The following GSK3B variants were observed in gnomAD, a reference collection of about 807,000 sequenced individuals.
GSK3B encodes the protein glycogen synthase kinase-3 beta.
Under a neutral mutation model 56.4 loss-of-function variants are expected in GSK3B, and 15 were observed. The observed-to-expected ratio is 0.27, with a 90% confidence interval of 0.18 to 0.41. The LOEUF (loss-of-function observed/expected upper bound fraction) is 0.41, where lower values mean the gene tolerates loss of function less well. Among genes scored for constraint, GSK3B ranks in the 10% least tolerant of loss-of-function variants. GSK3B has a pLI of 1.00. For synonymous variants in GSK3B, 181 were observed against 188.9 expected (o/e 0.96, Z 0.34); for missense variants, 300 against 513.4 (o/e 0.58, Z 4.02).
intron 1 of GSK3B, among the ~76,000 whole-genome samples, chr3:120,005,946 T>G (rs899055431): frequency 2.6e-5 from 4 of 152,120 alleles, no homozygotes; most frequent in Non-Finnish European, 1.5e-5. Flanking sequence ...TAAATGTAAA[T>G]GGGCTAAATT....
At chr3:119,948,621 G>GAAAACTACCAACTTCA (rs1298140051) in intron 2 of GSK3B, among the ~76,000 whole-genome samples, 11 of 152,156 alleles carry the variant, frequency 7.2e-5, no homozygotes, top group African/African-American at 2.7e-4. Context: ...GAGGAACATA[G>GAAAACTACCAACTTCA]AAAACTACCA....
intron 1 of GSK3B, among the ~76,000 whole-genome samples, chr3:120,071,792 G>A (rs573079051): frequency 2.6e-5 from 4 of 152,192 alleles, no homozygotes; most frequent in South Asian, 2.1e-4. Context: ...ATCCACGCTC[G>A]TCCATGGAAA....
chr3:119,850,495 C>T (rs1275136360), intron 9 of GSK3B, among the ~76,000 whole-genome samples: 2 of 152,162 alleles, frequency 1.3e-5, no homozygotes, highest in African/African-American at 4.8e-5. Flanking sequence ...TTGCTATAGT[C>T]CTATTCTTGC....
intron 2 of GSK3B, among the ~76,000 whole-genome samples, chr3:119,993,776 C>T (rs1477076704): frequency 6.8e-6 from 1 of 146,780 alleles, no homozygotes; most frequent in Non-Finnish European, 1.5e-5. Flanking sequence ...CAGAAAAAAA[C>T]GTGTGAATAT....
chr3:119,825,822 C>T lies in GSK3B; in HGVS notation c.*966G>A. The stretch of plus-strand genomic sequence containing the variant: ...CAATGTCCTCTCAAGTGTATCTTTC[C>T]AAGGGAAGTAACTTTAGAAAAAAAT... On this transcript the variant is annotated 3_prime_UTR_variant, in exon 11 of 11. Coordinates refer to ENST00000264235, the MANE Select transcript of GSK3B (RefSeq NM_001146156.2). 4.6e-6 allele frequency: 1 copy of T among 219,300 alleles called. No homozygotes were observed. The highest frequency in any genetic ancestry group is 9.1e-6 in the Non-Finnish European group (1 of 109,508). 13.6% of individuals were successfully genotyped at this position (219,300 alleles called of 1,614,324 possible).
At chr3:120,039,423 G>A (rs1286760514) in intron 1 of GSK3B, among the ~76,000 whole-genome samples, 1 of 152,128 alleles carries the variant, frequency 6.6e-6, no homozygotes, top group Non-Finnish European at 1.5e-5. Context: ...GGTTCAGGTT[G>A]TTAACTTCCT....
At chr3:119,959,506 C>CTTT (rs34702117) in intron 2 of GSK3B, among the ~76,000 whole-genome samples, 3 of 89,176 alleles carry the variant, frequency 3.4e-5, no homozygotes, top group Admixed American at 1.3e-4. Context: ...TTCTCTCTGA[C>CTTT]TTTTTTTTTT....
At chr3:120,063,435 A>T (rs2058253976) in intron 1 of GSK3B, among the ~76,000 whole-genome samples, 1 of 152,192 alleles carries the variant, frequency 6.6e-6, no homozygotes, top group Admixed American at 6.5e-5. Flanking sequence ...TACATACAAA[A>T]ATCAGTGCTG....
chr3:119,929,574 C>T (rs1424422730), intron 3 of GSK3B, among the ~76,000 whole-genome samples: 1 of 152,006 alleles, frequency 6.6e-6, no homozygotes, highest in Non-Finnish European at 1.5e-5. Flanking sequence ...TCACAACCAG[C>T]CTGGGCAACA....
At chr3:119,938,807 GTT>G (rs2057020434) in intron 3 of GSK3B, among the ~76,000 whole-genome samples, 1 of 151,826 alleles carries the variant, frequency 6.6e-6, no homozygotes, top group Admixed American at 6.6e-5. Context: ...AAAAACAAAA[GTT>G]AATATCTGGG....
chr3:119,847,846 A>G (rs1313008914), intron 9 of GSK3B, among the ~76,000 whole-genome samples: 5 of 152,224 alleles, frequency 3.3e-5, no homozygotes, highest in Admixed American at 3.3e-4. Context: ...AGCAAAGAGA[A>G]TATGAATGAG....
rs1453008925 is a variant in GSK3B, at chr3:119,825,287, T to C, written c.*1501A>G. On this transcript the variant is annotated 3_prime_UTR_variant, in exon 11 of 11. Transcript: ENST00000264235. ...AAAACAAACTAGTCATGAAAATCTA[T>C]TTCCTCACGGCAAACATAGTCCTTC... 1 of 229,336 alleles carries C rather than the reference T, an allele frequency of 4.4e-6. No individual in the cohort carries two copies. The highest frequency in any genetic ancestry group is 8.6e-6 in the Non-Finnish European group (1 of 115,778). 14.2% of individuals were successfully genotyped at this position (229,336 alleles called of 1,614,324 possible). A position where few individuals can be genotyped will look rare whatever the true frequency, so the allele number is the denominator to read the frequency against.
At chr3:119,981,241 G>A (rs535188210) in intron 2 of GSK3B, among the ~76,000 whole-genome samples, 5 of 152,182 alleles carry the variant, frequency 3.3e-5, no homozygotes, top group African/African-American at 7.2e-5. Context: ...CAAGATGGCC[G>A]AATAGGAACA....
intron 1 of GSK3B, among the ~76,000 whole-genome samples, chr3:120,069,539 T>C (rs2058309324): frequency 6.6e-6 from 1 of 152,142 alleles, no homozygotes; most frequent in Non-Finnish European, 1.5e-5. Flanking sequence ...GGGGACAATC[T>C]TCATTCACAT....
chr3:120,039,893 C>T (rs1277704359), intron 1 of GSK3B, among the ~76,000 whole-genome samples: 1 of 152,184 alleles, frequency 6.6e-6, no homozygotes, highest in East Asian at 1.9e-4. Context: ...GCGGGCTCAT[C>T]CGGGATTCCC....
intron 2 of GSK3B, among the ~76,000 whole-genome samples, chr3:119,959,802 T>C (rs975336697): frequency 6.6e-6 from 1 of 151,914 alleles, no homozygotes; most frequent in African/African-American, 2.4e-5. Flanking sequence ...GCAATAACAA[T>C]TATTGTTCCC....
intron 4 of GSK3B, among the ~76,000 whole-genome samples, chr3:119,922,623 A>AT (rs1299779370): frequency 6.6e-6 from 1 of 151,396 alleles, no homozygotes; most frequent in African/African-American, 2.4e-5. Context: ...TGAAGCTTAA[A>AT]TTTTTAACAA....
At chr3:119,930,129 G>T (rs967325926) in intron 3 of GSK3B, among the ~76,000 whole-genome samples, 1 of 137,794 alleles carries the variant, frequency 7.3e-6, no homozygotes, top group African/African-American at 2.9e-5. Context: ...ACACACGTGC[G>T]CATGCACACA....
chr3:119,879,284 CA>C (rs1559819990), intron 7 of GSK3B, among the ~76,000 whole-genome samples: 1 of 152,076 alleles, frequency 6.6e-6, no homozygotes, highest in South Asian at 2.1e-4. Context: ...GGGCTCACAC[CA>C]TTCTCCTGCC....
Sources: allele counts gnomAD v4.1 joint callset (sites outside exome capture counted in the v4.1 genomes callset), GRCh38; gene constraint gnomAD v4.1.1; transcripts MANE v1.5; gene names NCBI Gene and HGNC (gene_info 2026-07-23, HGNC 2026-07-21).